WRAP73: variants seen among roughly 807,000 people sequenced by gnomAD.
WRAP73 encodes the protein WD repeat containing, antisense to TP73.
Under a neutral mutation model 59.6 loss-of-function variants are expected in WRAP73, and 55 were observed. The ratio of observed to expected loss-of-function variants is 0.92; its 90% CI spans 0.74 to 1.15. WRAP73 has a LOEUF of 1.15. WRAP73 is among the 50% of genes most tolerant of loss of function. WRAP73 has a pLI of 0.00. For missense variants in WRAP73, 592 were observed against 608.1 expected (o/e 0.97, Z 0.28); for synonymous variants, 265 against 258.2 (o/e 1.03, Z -0.25).
intron 10 of WRAP73, 89 bp from the exon 11 acceptor site, chr1:3,631,746 G>A: frequency 1.3e-6 from 2 of 1,500,110 alleles, no homozygotes; most frequent in African/African-American, 1.4e-5. Context: ...TGACACCACA[G>A]GAGGGGAGGG....
chr1:3,632,156 C>A, intron 10 of WRAP73, 57 bp downstream of exon 10: 1 of 1,555,106 alleles, frequency 6.4e-7, no homozygotes, highest in Non-Finnish European at 8.7e-7. Context: ...CGCTTCTACA[C>A]CTGGGGCCAC....
rs948786154 is a variant in WRAP73, at chr1:3,634,513, A to C, written c.816+484T>G. On this transcript the variant is annotated intron_variant, in intron 8 of 11. Transcript: ENST00000270708. ...CACTGGTGCAGCATCTGTGCCTGCG[A>C]TCCCTCGCTGGTGGCCACTCCCTGC... 2.7e-5 allele frequency: 5 copies of C among 187,762 alleles called. No homozygotes were observed. In the South Asian group the frequency reaches 4.3e-4, roughly 16 times the overall value. The allele number at this position is 187,762 out of a possible 1,614,324, so 11.6% of individuals were successfully genotyped here.
Position 3,647,518 on chromosome 1 carries a change from T to C in WRAP73, c.112A>G (p.Thr38Ala), listed in dbSNP as rs1268035953. ...QYRLVVRDVN[T>A]LQILQLYTCL... ...GTGTACAGCTGAAGGATCTGAAGGG[T>C]GTTCACATCCCGGACCACTAACCGG... The change falls in exon 2 of 12, where the codon ACC (threonine) becomes GCC (alanine). Residue 38 changes from threonine (T) to alanine (A), a missense_variant. Coordinates refer to ENST00000270708, the MANE Select transcript of WRAP73 (RefSeq NM_017818.4). 5 of 1,613,616 alleles carry C rather than the reference T, an allele frequency of 3.1e-6. No individual in the cohort carries two copies. The highest frequency in any genetic ancestry group is 3.3e-5 in the Admixed American group (2 of 59,958).
chr1:3,638,999 G>A (rs1246315613), intron 3 of WRAP73, 177 bp from the exon 4 acceptor site: 5 of 603,508 alleles, frequency 8.3e-6, no homozygotes, highest in Non-Finnish European at 1.4e-5. Flanking sequence ...ATTTTACTGT[G>A]GTTACGGTAA....
At chr1:3,636,173 A>G (rs559516422) in intron 5 of WRAP73, 143 bp from the exon 6 acceptor site, 2 of 663,648 alleles carry the variant, frequency 3.0e-6, no homozygotes, top group Admixed American at 4.7e-5. Context: ...CTGGAAATGC[A>G]TGAAATCCCT....
intron 3 of WRAP73, among the ~76,000 whole-genome samples, chr1:3,645,499 G>A (rs1409968928): frequency 6.7e-6 from 1 of 149,064 alleles, no homozygotes; most frequent in Non-Finnish European, 1.5e-5. Flanking sequence ...TGTGCGCGGC[G>A]CAGCGGGATG....
chr1:3,643,441 T>C (rs1293619347), intron 3 of WRAP73, among the ~76,000 whole-genome samples: 1 of 152,230 alleles, frequency 6.6e-6, no homozygotes, highest in African/African-American at 2.4e-5. Flanking sequence ...GATGACTCAC[T>C]GAACCTCGTC....
intron 6 of WRAP73, 68 bp from the exon 7 acceptor site, chr1:3,635,362 G>T: frequency 6.3e-7 from 1 of 1,591,304 alleles, no homozygotes. Context: ...ACAGACGCGG[G>T]TGCTGCAGAG....
In WRAP73 at chr1:3,637,048, C is replaced by T. The variant is rs1457925105; in HGVS notation, c.463G>A (p.Asp155Asn). 5 of 1,613,502 alleles carry T rather than the reference C, an allele frequency of 3.1e-6. No homozygotes were observed. The highest frequency in any genetic ancestry group is 2.2e-5 in the South Asian group (2 of 91,020). ...AAGATGCTCACGTAATCTTTGCAGT[C>T]GCGCCGTTCTGCCAGCGCCATGTAG... ...GRYMALAERRDCKDYVSIFVC... is the reference protein window; with the variant it reads ...GRYMALAERRNCKDYVSIFVC... The change falls in exon 5 of 12, where the codon GAC becomes AAC. Residue 155 changes from aspartate to asparagine, a missense_variant. Transcript: ENST00000270708.
rs115777292 is a variant in WRAP73 at position 3,637,349 on chromosome 1, T to C, written c.413-251A>G. 3.7e-3 allele frequency among the ~76,000 whole-genome samples: 557 copies of C among 152,310 alleles called. 5 individuals are homozygous for C. The highest frequency in any genetic ancestry group is 0.013 in the African/African-American group (530 of 41,570). ...AAGCTGTACACACACAGGAGCCGGT[T>C]TGCAAGGCTCTGTCAAAAATACCAA... On this transcript the variant is annotated intron_variant, in intron 4 of 11. Transcript: ENST00000270708.
chr1:3,639,505 A>G lies in WRAP73; in HGVS notation c.340-683T>C, dbSNP rs1441787432. 1 of 152,330 alleles carries G rather than the reference A, an allele frequency of 6.6e-6. No homozygotes were observed. The highest frequency in any genetic ancestry group is 1.5e-5 in the Non-Finnish European group (1 of 68,114). 9.4% of individuals were successfully genotyped at this position (152,330 alleles called of 1,614,324 possible). On this transcript the variant is annotated intron_variant, in intron 3 of 11. Transcript: ENST00000270708. The surrounding 1 kb of genome is among the most constrained non-coding windows in gnomAD (Gnocchi z 4.3). ...GTGCCTGCTGAGGGAGAGGCACCGC[A>G]GTGGGTGGTCCAGCCCTCCCCGTGG...
chr1:3,639,761 G>C lies in WRAP73; in HGVS notation c.340-939C>G, dbSNP rs1644620982. The C allele has an allele frequency of 6.6e-6, 1 of 151,864 alleles. No individual in the cohort carries two copies. The highest frequency in any genetic ancestry group is 2.4e-5 in the African/African-American group (1 of 41,266). 9.4% of individuals were successfully genotyped at this position (151,864 alleles called of 1,614,324 possible). On this transcript the variant is annotated intron_variant, in intron 3 of 11. Transcript: ENST00000270708. The surrounding 1 kb of genome is among the most constrained non-coding windows in gnomAD (Gnocchi z 4.3). ...GCTGCGCAGCTCCATGTGGGGTGGG[G>C]TGCTGACTGCCAGCTCCGTGTGTGG... is the stretch of plus-strand genomic sequence containing the variant.
rs1426268611 is a variant in WRAP73 at position 3,639,407 on chromosome 1, T to C, written c.340-585A>G. The C allele has an allele frequency of 6.6e-6, 1 of 152,644 alleles. No individual in the cohort carries two copies. The highest frequency in any genetic ancestry group is 1.5e-5 in the Non-Finnish European group (1 of 68,376). The allele number at this position is 152,644 out of a possible 1,614,324, so 9.5% of individuals were successfully genotyped here. On this transcript the variant is annotated intron_variant, in intron 3 of 11. Transcript: ENST00000270708. This position sits in a 1 kb window ranked among gnomAD's most constrained non-coding sequence, Gnocchi z 4.3. Reference sequence around the variant, plus strand: ...CCACTTTTCCACCCCTTTCCCTGACTCAGGGAGCTGAGAGCTGACTAGGCT... The same window carrying C: ...CCACTTTTCCACCCCTTTCCCTGACCCAGGGAGCTGAGAGCTGACTAGGCT...
rs187248833 is a variant in WRAP73 at position 3,635,853 on chromosome 1, A to T, written c.603+91T>A. ...AAAGCTCAACTTGTTATCTGAAATA[A>T]GATAAAGCAAACTATATTGCAGCAT... On this transcript the variant is annotated intron_variant, in intron 6 of 11. Coordinates refer to ENST00000270708, the MANE Select transcript of WRAP73 (RefSeq NM_017818.4). 21 of 1,131,046 alleles carry T rather than the reference A, an allele frequency of 1.9e-5. No homozygotes were observed. In the African/African-American group the frequency reaches 2.6e-4, roughly 14 times the overall value. The allele number at this position is 1,131,046 out of a possible 1,614,324, so 70.1% of individuals were successfully genotyped here.
At chr1:3,641,872 C>T (rs995157005) in intron 3 of WRAP73, among the ~76,000 whole-genome samples, 20 of 152,146 alleles carry the variant, frequency 1.3e-4, no homozygotes, top group African/African-American at 4.6e-4. Flanking sequence ...TAGAAAAAGA[C>T]ATATCAAGAA....
At chr1:3,647,139 T>C (rs1427989302) in intron 2 of WRAP73, 3 of 463,392 alleles carry the variant, frequency 6.5e-6, no homozygotes, top group African/African-American at 2.0e-5. Flanking sequence ...ACACGACTTC[T>C]TAGGACTTCC....
At chr1:3,641,407 C>T (rs1644643071) in intron 3 of WRAP73, among the ~76,000 whole-genome samples, 1 of 151,974 alleles carries the variant, frequency 6.6e-6, no homozygotes, top group South Asian at 2.1e-4. Context: ...CACCATGACC[C>T]AGCACTCTCA....
rs1475210031 is a variant in WRAP73, at chr1:3,631,502, G to A, written c.1204C>T (p.Pro402Ser). ...TGGSRLYLWS[P>S]AGCMSVQVPG... is the part of the protein sequence containing the mutation. ...ACCTGCACCGACATGCAGCCCGCTG[G>A]GGACCACAGGTAGAGCCTGCTGCCT... Residue 402 changes from proline to serine, a missense_variant, in exon 11 of 12, where the codon CCA (proline) becomes TCA (serine). Physicochemically the swap from Pro to Ser is moderately conservative, Grantham distance 74. Coordinates refer to ENST00000270708, the MANE Select transcript of WRAP73 (RefSeq NM_017818.4). 3.7e-6 allele frequency: 6 copies of A among 1,608,776 alleles called. No individual in the cohort carries two copies. The highest frequency in any genetic ancestry group is 5.1e-6 in the Non-Finnish European group (6 of 1,178,118).
chr1:3,636,957 A>C, intron 5 of WRAP73, 38 bp downstream of exon 5: 2 of 1,594,884 alleles, frequency 1.3e-6, no homozygotes, highest in East Asian at 2.2e-5. Context: ...CTCCACAGTC[A>C]GCAGGACAAC....
Sources: gnomAD v4.1 joint callset for allele counts (sites outside exome capture counted in the v4.1 genomes callset) on GRCh38, gnomAD v4.1.1 for gene constraint, Gnocchi (gnomAD v3.1) non-coding constraint, MANE v1.5 for transcripts, NCBI Gene and HGNC (gene_info 2026-07-23, HGNC 2026-07-21) for gene names.